IL1RAPL1: variants seen among roughly 807,000 people sequenced by gnomAD.
IL1RAPL1 encodes the protein interleukin 1 receptor accessory protein like 1, also known as interleukin-1 receptor accessory protein-like 1.
A neutral mutation model predicts 48.4 loss-of-function variants in IL1RAPL1; 3 were observed. The ratio of observed to expected loss-of-function variants is 0.06; its 90% CI spans 0.03 to 0.16. IL1RAPL1 has a LOEUF of 0.16. IL1RAPL1 is among the 10% of genes least tolerant of loss of function. IL1RAPL1 has a pLI of 1.00. For missense variants in IL1RAPL1, 349 were observed against 530.6 expected (o/e 0.66, Z 3.36); for synonymous variants, 185 against 187.7 (o/e 0.99, Z 0.12).
intron 5 of IL1RAPL1, among the ~76,000 whole-genome samples, chrX:29,607,684 C>G (rs188082418): frequency 1.1e-3 from 119 of 111,882 alleles, no homozygotes; most frequent in Middle Eastern, 9.2e-3. Context: ...TTTCTACTAC[C>G]TTTCTGGATT....
Position 29,409,326 on chromosome X carries a change from G to A in IL1RAPL1, c.703+10018G>A, listed in dbSNP as rs1934112092. The stretch of plus-strand genomic sequence containing the variant: ...ATAAGTAAATATCTGCCATATTTTT[G>A]TAACTCAAATATCATTTAGATTAAT... On this transcript the variant is annotated intron_variant, in intron 5 of 10. Transcript: ENST00000378993. Among the ~76,000 whole-genome samples, 3 of 111,621 alleles carry A rather than the reference G, an allele frequency of 2.7e-5. No homozygotes were observed. The Admixed American group carries it at 2.9e-4, about 11-fold the overall frequency.
chrX:29,147,882 G>T (rs762124987), intron 2 of IL1RAPL1, among the ~76,000 whole-genome samples: 1 of 111,521 alleles, frequency 9.0e-6, no homozygotes, highest in Non-Finnish European at 1.9e-5. Context: ...ACTTTTTAGG[G>T]GCAATACAGT....
chrX:28,961,984 G>T (rs1924790757), intron 2 of IL1RAPL1, among the ~76,000 whole-genome samples: 1 of 111,497 alleles, frequency 9.0e-6, no homozygotes, highest in Non-Finnish European at 1.9e-5. Context: ...TCTTATATAA[G>T]GTGTTACTCT....
chrX:29,305,028 A>G (rs1932596539), intron 3 of IL1RAPL1, among the ~76,000 whole-genome samples: 1 of 112,739 alleles, frequency 8.9e-6, no homozygotes, highest in Non-Finnish European at 1.9e-5. Flanking sequence ...AGGGTGAGCA[A>G]AAACACACAC....
chrX:29,073,803 C>T (rs1022127230), intron 2 of IL1RAPL1, among the ~76,000 whole-genome samples: 11 of 111,347 alleles, frequency 9.9e-5, no homozygotes, highest in African/African-American at 3.3e-4. Flanking sequence ...AAATAATCTT[C>T]CCAACAACCC....
At chrX:29,926,495 T>G (rs1569205343) in intron 8 of IL1RAPL1, among the ~76,000 whole-genome samples, 1 of 112,366 alleles carries the variant, frequency 8.9e-6, no homozygotes, top group Non-Finnish European at 1.9e-5. Flanking sequence ...TTTTCTTAAC[T>G]AAATGTTCAA....
intron 5 of IL1RAPL1, among the ~76,000 whole-genome samples, chrX:29,535,177 T>G (rs921382164): frequency 3.8e-5 from 4 of 106,172 alleles, no homozygotes; most frequent in Non-Finnish European, 7.7e-5. Context: ...CTCCCTTTAT[T>G]CCTATGAGAA....
intron 2 of IL1RAPL1, among the ~76,000 whole-genome samples, chrX:29,012,331 T>A (rs777592559): frequency 4.8e-4 from 53 of 111,318 alleles, no homozygotes; most frequent in Non-Finnish European, 8.5e-4. Context: ...TCGCCTGAGG[T>A]CAGGAGTTCA....
intron 5 of IL1RAPL1, among the ~76,000 whole-genome samples, chrX:29,518,439 A>G (rs1935469957): frequency 9.0e-6 from 1 of 110,724 alleles, no homozygotes; most frequent in African/African-American, 3.3e-5. Flanking sequence ...ATGGCAAGTG[A>G]GGTGGGGGTC....
At chrX:29,774,079 T>C (rs1929132662) in intron 6 of IL1RAPL1, among the ~76,000 whole-genome samples, 1 of 111,219 alleles carries the variant, frequency 9.0e-6, no homozygotes, top group Non-Finnish European at 1.9e-5. Flanking sequence ...CCTTCAGCAG[T>C]ATCTTTCTTG....
intron 1 of IL1RAPL1, among the ~76,000 whole-genome samples, chrX:28,664,959 A>G (rs1165544796): frequency 8.9e-6 from 1 of 111,875 alleles, no homozygotes; most frequent in Non-Finnish European, 1.9e-5. Flanking sequence ...GTAAAGCTAT[A>G]TGCTCTAAAT....
intron 6 of IL1RAPL1, among the ~76,000 whole-genome samples, chrX:29,801,722 G>T (rs988044512): frequency 1.8e-5 from 2 of 111,845 alleles, no homozygotes; most frequent in Non-Finnish European, 3.8e-5. Context: ...GGTGATGTTG[G>T]TCAGTCCTTA....
At chrX:29,637,076 G>A (rs1924993091) in intron 5 of IL1RAPL1, among the ~76,000 whole-genome samples, 2 of 107,647 alleles carry the variant, frequency 1.9e-5, no homozygotes, top group South Asian at 7.9e-4. Context: ...AAAAATTTAG[G>A]AACAGTCTGT....
chrX:29,843,771 TTCTCTC>T (rs111705491), intron 6 of IL1RAPL1, among the ~76,000 whole-genome samples: 1 of 105,286 alleles, frequency 9.5e-6, no homozygotes, highest in Non-Finnish European at 2.0e-5. Context: ...CTCTCTTCAA[TTCTCTC>T]TCTCTCTCTC....
At chrX:29,709,320 T>A (rs759382365) in intron 6 of IL1RAPL1, among the ~76,000 whole-genome samples, 1 of 111,958 alleles carries the variant, frequency 8.9e-6, no homozygotes. Flanking sequence ...GTTATGTATA[T>A]GGTGTGACAT....
At chrX:29,124,761 A>G (rs1000704215) in intron 2 of IL1RAPL1, among the ~76,000 whole-genome samples, 4 of 112,358 alleles carry the variant, frequency 3.6e-5, no homozygotes, top group Non-Finnish European at 5.6e-5. Flanking sequence ...TAAAAGAATA[A>G]GAAAGTAATG....
intron 1 of IL1RAPL1, among the ~76,000 whole-genome samples, chrX:28,635,199 G>T (rs1189996818): frequency 4.5e-5 from 5 of 112,108 alleles, no homozygotes. Context: ...TCTGGCTACT[G>T]TTTTTGCTGT....
chrX:29,507,555 T>C (rs1392548102), intron 5 of IL1RAPL1, among the ~76,000 whole-genome samples: 1 of 98,345 alleles, frequency 1.0e-5, no homozygotes, highest in Non-Finnish European at 2.0e-5. Flanking sequence ...AAATCGTCTC[T>C]ACAATTAAAA....
At chrX:29,050,140 G>T (rs1199307304) in intron 2 of IL1RAPL1, among the ~76,000 whole-genome samples, 1 of 111,612 alleles carries the variant, frequency 9.0e-6, no homozygotes, top group African/African-American at 3.3e-5. Context: ...TTGAATTCCT[G>T]GGCTCAAGCA....
Sources: allele counts gnomAD v4.1 joint callset (sites outside exome capture counted in the v4.1 genomes callset), GRCh38; gene constraint gnomAD v4.1.1; transcripts MANE v1.5; gene names NCBI Gene and HGNC (gene_info 2026-07-23, HGNC 2026-07-21).